XYLT1: variants seen among roughly 807,000 people sequenced by gnomAD.
XYLT1 encodes beta-D-xylosyltransferase 1.
Under a neutral mutation model 91.3 loss-of-function variants are expected in XYLT1, and 36 were observed. The observed-to-expected ratio is 0.39, with a 90% CI of 0.30 to 0.52. The LOEUF (loss-of-function observed/expected upper bound fraction) is 0.52, where lower values mean the gene tolerates loss of function less well. Ranked by LOEUF, XYLT1 falls within the 20% of genes least tolerant of loss-of-function variation. The probability of loss-of-function intolerance (pLI) is 0.68; values close to 1 mark genes in which losing one functional copy is unlikely to be tolerated. For missense variants in XYLT1, 1,242 were observed against 1,284.5 expected (o/e 0.97, Z 0.51); for synonymous variants, 588 against 532.0 (o/e 1.11, Z -1.45).
At chr16:17,213,292 A>C in intron 3 of XYLT1, among the ~76,000 whole-genome samples, 1 of 152,188 alleles carries the variant, frequency 6.6e-6, no homozygotes, top group East Asian at 1.9e-4. Flanking sequence ...CCTCAGAAGC[A>C]GAAGCCTTGA....
chr16:17,333,400 T>C (rs2034929877), intron 2 of XYLT1, among the ~76,000 whole-genome samples: 2 of 152,024 alleles, frequency 1.3e-5, no homozygotes, highest in African/African-American at 4.8e-5. Context: ...CACAGCTCAG[T>C]TGGAACTGGC....
At chr16:17,337,070 C>T (rs1173595118) in intron 2 of XYLT1, among the ~76,000 whole-genome samples, 1 of 152,136 alleles carries the variant, frequency 6.6e-6, no homozygotes, top group Non-Finnish European at 1.5e-5. Flanking sequence ...GCATATAAAT[C>T]CCTACAAAGT....
At chr16:17,282,232 A>C (rs1288587330) in intron 2 of XYLT1, among the ~76,000 whole-genome samples, 1 of 152,194 alleles carries the variant, frequency 6.6e-6, no homozygotes, top group Admixed American at 6.5e-5. Context: ...GGCACAGGGA[A>C]TAAAATACCT....
chr16:17,205,619 G>A (rs1348977953), intron 3 of XYLT1, among the ~76,000 whole-genome samples: 1 of 152,158 alleles, frequency 6.6e-6, no homozygotes. Context: ...TCATTTCTAT[G>A]TGGCTGCTCA....
intron 5 of XYLT1, among the ~76,000 whole-genome samples, chr16:17,181,469 A>G (rs116263368): frequency 1.5e-3 from 232 of 152,330 alleles, no homozygotes; most frequent in African/African-American, 5.3e-3. Context: ...CATCACTACC[A>G]TTATCATCAA....
chr16:17,453,232 T>G (rs1179513361), intron 1 of XYLT1, among the ~76,000 whole-genome samples: 6 of 152,184 alleles, frequency 3.9e-5, no homozygotes, highest in Admixed American at 2.0e-4. Flanking sequence ...CTGACCTTCT[T>G]CTCTTGTGCC....
chr16:17,228,459 C>T (rs1332251772), intron 3 of XYLT1, among the ~76,000 whole-genome samples: 2 of 152,040 alleles, frequency 1.3e-5, no homozygotes, highest in African/African-American at 2.4e-5. Context: ...GTGGTGCATA[C>T]AAAATGGGCA....
intron 2 of XYLT1, among the ~76,000 whole-genome samples, chr16:17,274,322 G>A (rs1458338154): frequency 6.6e-6 from 1 of 152,158 alleles, no homozygotes; most frequent in Non-Finnish European, 1.5e-5. Context: ...GAATAAGGCT[G>A]GATTTCATTT....
chr16:17,329,710 CA>C (rs1399841993), intron 2 of XYLT1, among the ~76,000 whole-genome samples: 1 of 152,194 alleles, frequency 6.6e-6, no homozygotes, highest in African/African-American at 2.4e-5. Flanking sequence ...CTTGCACAAA[CA>C]TGGACACCCG....
intron 2 of XYLT1, among the ~76,000 whole-genome samples, chr16:17,305,362 T>C (rs988854463): frequency 1.3e-5 from 2 of 152,052 alleles, no homozygotes; most frequent in Admixed American, 6.5e-5. Flanking sequence ...TGTATGTGTG[T>C]GCAGCTTTAG....
intron 1 of XYLT1, among the ~76,000 whole-genome samples, chr16:17,372,089 A>C (rs1378520481): frequency 6.6e-6 from 1 of 152,218 alleles, no homozygotes; most frequent in Non-Finnish European, 1.5e-5. Flanking sequence ...GATTCCACTA[A>C]GAGTTTTACT....
chr16:17,169,177 G>A (rs957249644), intron 5 of XYLT1, among the ~76,000 whole-genome samples: 3 of 152,162 alleles, frequency 2.0e-5, no homozygotes, highest in Admixed American at 6.5e-5. Context: ...GTAGGTCCCT[G>A]TGATATGAAG....
intron 11 of XYLT1, among the ~76,000 whole-genome samples, chr16:17,109,600 G>T (rs1966826240): frequency 6.6e-6 from 1 of 152,240 alleles, no homozygotes; most frequent in African/African-American, 2.4e-5. Context: ...TGGGCCAAAT[G>T]TGGCCCACCA....
chr16:17,422,950 C>T (rs971562592), intron 1 of XYLT1, among the ~76,000 whole-genome samples: 3 of 152,198 alleles, frequency 2.0e-5, no homozygotes, highest in Admixed American at 6.5e-5. Flanking sequence ...CGCCCTGCAT[C>T]GGTGAGCTCT....
intron 10 of XYLT1, among the ~76,000 whole-genome samples, chr16:17,124,996 C>G (rs999940903): frequency 4.6e-5 from 7 of 152,074 alleles, no homozygotes. Context: ...CCATTCGTAT[C>G]CTATATCTTT....
At chr16:17,167,978 C>G (rs758450925) in intron 5 of XYLT1, among the ~76,000 whole-genome samples, 1 of 152,212 alleles carries the variant, frequency 6.6e-6, no homozygotes, top group Non-Finnish European at 1.5e-5. Context: ...ATGCAAGGAC[C>G]TTACTGACAT....
intron 2 of XYLT1, among the ~76,000 whole-genome samples, chr16:17,295,967 T>C (rs941984102): frequency 3.3e-5 from 5 of 152,120 alleles, no homozygotes; most frequent in Admixed American, 6.5e-5. Context: ...ACACAGACTG[T>C]AAATCTGGAG....
chr16:17,412,920 A>G (rs1207951399), intron 1 of XYLT1, among the ~76,000 whole-genome samples: 37 of 152,218 alleles, frequency 2.4e-4, no homozygotes, highest in Non-Finnish European at 2.9e-5. Flanking sequence ...AGTCCAGCCC[A>G]TGTTCACAAT....
chr16:17,255,463 T>C (rs767090125), intron 3 of XYLT1, among the ~76,000 whole-genome samples: 6 of 152,146 alleles, frequency 3.9e-5, no homozygotes, highest in African/African-American at 9.7e-5. Flanking sequence ...AGAACAAATG[T>C]GCTGTCTCTG....
Sources: gnomAD v4.1 joint callset for allele counts (sites outside exome capture counted in the v4.1 genomes callset) on GRCh38, gnomAD v4.1.1 for gene constraint, MANE v1.5 for transcripts, NCBI Gene and HGNC (gene_info 2026-07-23, HGNC 2026-07-21) for gene names.